Variants in NWD1 observed in about 807,000 individuals in gnomAD.
NWD1 encodes the protein NACHT domain- and WD repeat-containing protein 1.
A neutral mutation model predicts 135.1 loss-of-function variants in NWD1; 129 were observed. That is an observed-to-expected ratio of 0.96 (90% CI 0.83 to 1.11). The LOEUF (loss-of-function observed/expected upper bound fraction) is 1.11. NWD1 is among the 50% of genes least tolerant of loss of function. The pLI is 0.00. For synonymous variants in NWD1, 773 were observed against 786.0 expected (o/e 0.98, Z 0.28); for missense variants, 1,740 against 1,851.3 (o/e 0.94, Z 1.10).
chr19:16,772,647 A>AAAAT (rs1045896805), intron 10 of NWD1, among the ~76,000 whole-genome samples: 1 of 152,114 alleles, frequency 6.6e-6, no homozygotes, highest in South Asian at 2.1e-4. Context: ...TTCCATCTCA[A>AAAAT]AAATAAATAA....
Position 16,763,810 on chromosome 19 carries a change from T to C in NWD1, c.2134-18T>C, listed in dbSNP as rs747723357. 2.0e-6 allele frequency: 3 copies of C among 1,523,774 alleles called. No individual in the cohort carries two copies. Among genetic ancestry groups the C allele is most frequent in the Non-Finnish European group, 2.7e-6 (3 of 1,097,970 alleles). 94.4% of individuals were successfully genotyped at this position (1,523,774 alleles called of 1,614,324 possible). Reference sequence around the variant, plus strand: ...ATGGGTTTGTGTCCAAGCTGCAGTCTCCCTTCTCCTCTGCCAGGTGGCCCC... The same window carrying C: ...ATGGGTTTGTGTCCAAGCTGCAGTCCCCCTTCTCCTCTGCCAGGTGGCCCC... On this transcript the variant is annotated intron_variant, in intron 8 of 18. Coordinates refer to ENST00000524140, the MANE Select transcript of NWD1 (RefSeq NM_001007525.5).
Position 16,759,445 on chromosome 19 carries a change from G to A in NWD1, c.1973+17G>A. The A allele has an allele frequency of 6.5e-7, 1 of 1,537,758 alleles. No homozygotes were observed. The highest frequency in any genetic ancestry group is 1.2e-5 in the South Asian group (1 of 84,464). On this transcript the variant is annotated intron_variant, in intron 7 of 18. Transcript: ENST00000524140. ...TGCCCACAGGTAGGTCCAGGCAGCA[G>A]TGGCAGCGACACTGTCTGGGTGGGA...
intron 18 of NWD1, among the ~76,000 whole-genome samples, chr19:16,814,434 A>G (rs1007035649): frequency 2.0e-5 from 3 of 152,206 alleles, no homozygotes; most frequent in African/African-American, 7.2e-5. Context: ...GGAGATAAGT[A>G]TCATTGCTAT....
chr19:16,729,582 A>C (rs1426351947), intron 2 of NWD1, among the ~76,000 whole-genome samples: 4 of 151,826 alleles, frequency 2.6e-5, no homozygotes, highest in Admixed American at 2.0e-4. Flanking sequence ...AAAAGTAAAA[A>C]AAAAAAAAAA....
intron 4 of NWD1, among the ~76,000 whole-genome samples, chr19:16,737,744 T>C (rs572832467): frequency 1.3e-5 from 2 of 150,964 alleles, no homozygotes; most frequent in South Asian, 2.1e-4. Flanking sequence ...GAGGCCAAGG[T>C]GGGTGGATCA....
chr19:16,784,907 C>T lies in NWD1; in HGVS notation c.2732-4075C>T, dbSNP rs570775266. ...TCGCGCCACTGCACTCCAGCCTGGG[C>T]GATGACAGAGTGAGACTCCGTCTCC... On this transcript the variant is annotated intron_variant, in intron 12 of 18. Transcript: ENST00000524140. Among the ~76,000 whole-genome samples the T allele has an allele frequency of 4.1e-4, 61 of 149,930 alleles. No individual in the cohort carries two copies. The South Asian group carries it at 0.012, about 29-fold the overall frequency.
At chr19:16,767,810 C>G (rs1156263292) in intron 10 of NWD1, among the ~76,000 whole-genome samples, 1 of 151,950 alleles carries the variant, frequency 6.6e-6, no homozygotes, top group Non-Finnish European at 1.5e-5. Context: ...TCTCCCTTCA[C>G]CCCAGTCCCT....
chr19:16,725,861 A>G (rs187680883), intron 2 of NWD1, among the ~76,000 whole-genome samples: 3 of 133,698 alleles, frequency 2.2e-5, no homozygotes, highest in African/African-American at 8.5e-5. Flanking sequence ...GCAGCCTTGA[A>G]CTCTTGGGCT....
Position 16,789,147 on chromosome 19 carries a change from T to G in NWD1, c.2897T>G (p.Val966Gly), listed in dbSNP as rs1329202161. The change falls in exon 13 of 19, where the codon GTG becomes GGG. Residue 966 changes from valine (V) to glycine (G), a missense_variant. Physicochemically the swap from Val to Gly is moderately radical, Grantham distance 109 (BLOSUM62 -3). Coordinates refer to ENST00000524140, the MANE Select transcript of NWD1 (RefSeq NM_001007525.5). ...PAEPQIWNLH[V>G]DEAHKVVYSA... ...GAACCTCAGATCTGGAACCTTCATG[T>G]GGATGAGGCACACAAAGTTGTGTAT... is the stretch of plus-strand genomic sequence containing the variant. The G allele has an allele frequency of 6.2e-7, 1 of 1,614,082 alleles. No individual in the cohort carries two copies. The highest frequency in any genetic ancestry group is 1.7e-5 in the Admixed American group (1 of 60,000).
Position 16,750,176 on chromosome 19 carries a change from A to G in NWD1, c.1534A>G (p.Arg512Gly). The G allele has an allele frequency of 6.2e-7, 1 of 1,613,592 alleles. No individual in the cohort carries two copies. Among genetic ancestry groups the G allele is most frequent in the Non-Finnish European group, 8.5e-7 (1 of 1,179,852 alleles). The change falls in exon 6 of 19, where the codon AGG (arginine) becomes GGG (glycine). Residue 512 changes from arginine (R) to glycine (G), a missense_variant. Physicochemically the swap from Arg to Gly is moderately radical, Grantham distance 125. Transcript: ENST00000524140. Reference sequence around the variant, plus strand: ...GATCCAACTCCTGCTGGCAGCTGCAAGGAGGACGCTGAGCCCGGTGCACAC... The same window carrying G: ...GATCCAACTCCTGCTGGCAGCTGCAGGGAGGACGCTGAGCCCGGTGCACAC... The part of the protein sequence containing the change: ...QMIQLLLAAA[R>G]RTLSPVHTDL...
intron 5 of NWD1, among the ~76,000 whole-genome samples, chr19:16,748,571 A>G (rs2122795597): frequency 6.6e-6 from 1 of 152,156 alleles, no homozygotes; most frequent in South Asian, 2.1e-4. Context: ...TCACGCCTGT[A>G]ATCCCAGCAC....
At chr19:16,770,394 G>A (rs1969373511) in intron 10 of NWD1, among the ~76,000 whole-genome samples, 1 of 152,014 alleles carries the variant, frequency 6.6e-6, no homozygotes, top group African/African-American at 2.4e-5. Context: ...CCCTTCCACC[G>A]TGATTGTAAG....
chr19:16,741,368 GTTT>G (rs11292982), intron 4 of NWD1, among the ~76,000 whole-genome samples: 1 of 125,006 alleles, frequency 8.0e-6, no homozygotes, highest in African/African-American at 3.0e-5. Context: ...TTGTTTTTGT[GTTT>G]TTTTTTTTTT....
intron 18 of NWD1, among the ~76,000 whole-genome samples, chr19:16,811,332 C>T (rs1970917046): frequency 6.6e-6 from 1 of 152,036 alleles, no homozygotes; most frequent in Non-Finnish European, 1.5e-5. Context: ...GCCTGTAATC[C>T]TAGCACTTTG....
chr19:16,749,745 C>T lies in NWD1; in HGVS notation c.1103C>T (p.Thr368Ile). The T allele has an allele frequency of 6.2e-7, 1 of 1,607,146 alleles. No individual in the cohort carries two copies. The highest frequency in any genetic ancestry group is 8.5e-7 in the Non-Finnish European group (1 of 1,176,156). Residue 368 changes from threonine (T) to isoleucine (I), a missense_variant, in exon 6 of 19, where the codon ACC becomes ATC. Thr to Ile is a moderately conservative substitution (Grantham distance 89, BLOSUM62 -1). Coordinates refer to ENST00000524140, the MANE Select transcript of NWD1 (RefSeq NM_001007525.5). ...AGGCTGCTGGGGCACAAGACAGTGACCGTCCTGCGGCTGCTGGGGACGTCA... is the reference window on the plus strand; with the variant it reads ...AGGCTGCTGGGGCACAAGACAGTGATCGTCCTGCGGCTGCTGGGGACGTCA... ...MPRLLGHKTV[T>I]VLRLLGTSQM...
chr19:16,800,092 C>A lies in NWD1; in HGVS notation c.3666C>A (p.His1222Gln). 6.2e-7 allele frequency: 1 copy of A among 1,614,028 alleles called. No homozygotes were observed. Among genetic ancestry groups the A allele is most frequent in the Non-Finnish European group, 8.5e-7 (1 of 1,179,932 alleles). Residue 1222 changes from histidine to glutamine, a missense_variant, in exon 17 of 19, where the codon CAC becomes CAA. Transcript: ENST00000524140. ...LDRTGLTAVS[H>Q]NGSYVYFPKI... Reference sequence around the variant, plus strand: ...GCACCGGCCTCACCGCAGTGTCCCACAATGGAAGCTACGTCTACTTCCCCA... The same window carrying A: ...GCACCGGCCTCACCGCAGTGTCCCAAAATGGAAGCTACGTCTACTTCCCCA...
At chr19:16,734,216 C>G (rs144404078) in intron 3 of NWD1, among the ~76,000 whole-genome samples, 122 of 152,232 alleles carry the variant, frequency 8.0e-4, no homozygotes, top group African/African-American at 2.9e-3. Context: ...TCCTTGCTTT[C>G]AAAGCAACAG....
chr19:16,799,991 C>T lies in NWD1; in HGVS notation c.3565C>T (p.Pro1189Ser). ...CGGGGCTTTGGTGGCATCTGCTTCCCCACAGTCCTCATCTTTCAAGGTCTG... is the reference window on the plus strand; with the variant it reads ...CGGGGCTTTGGTGGCATCTGCTTCCTCACAGTCCTCATCTTTCAAGGTCTG... ...RGGALVASAS[P>S]QSSSFKVWDL... The change falls in exon 17 of 19, where the codon CCA (proline) becomes TCA (serine). Residue 1189 changes from proline to serine, a missense_variant. Coordinates refer to ENST00000524140, the MANE Select transcript of NWD1 (RefSeq NM_001007525.5). 6.2e-7 allele frequency: 1 copy of T among 1,614,208 alleles called. No homozygotes were observed. The highest frequency in any genetic ancestry group is 8.5e-7 in the Non-Finnish European group (1 of 1,180,026).
At chr19:16,742,101 GC>G (rs2122760499) in intron 4 of NWD1, among the ~76,000 whole-genome samples, 1 of 151,026 alleles carries the variant, frequency 6.6e-6, no homozygotes, top group African/African-American at 2.4e-5. Context: ...TAGGCCAGGC[GC>G]AGTGGCTCAT....
Sources: gnomAD v4.1 joint callset for allele counts (sites outside exome capture counted in the v4.1 genomes callset) on GRCh38, gnomAD v4.1.1 for gene constraint, MANE v1.5 for transcripts, NCBI Gene and HGNC (gene_info 2026-07-23, HGNC 2026-07-21) for gene names.